The following MSR1 variants were observed in gnomAD, a reference collection of about 807,000 sequenced individuals.
MSR1 encodes the protein macrophage scavenger receptor types I and II.
In MSR1, 53 loss-of-function variants were observed where a neutral mutation model predicts 47.2. The ratio of observed to expected loss-of-function variants is 1.12; its 90% CI spans 0.90 to 1.41. The LOEUF is 1.41. Among genes scored for constraint, MSR1 ranks in the 40% most tolerant of loss-of-function variants. The pLI, the probability that MSR1 is intolerant of heterozygous loss-of-function variation, is 0.00. For missense variants in MSR1, 786 were observed against 546.9 expected, an observed-to-expected ratio of 1.44 and a Z score of -4.36; for synonymous variants, 239 against 185.6, an observed-to-expected ratio of 1.29 and a Z score of -2.34.
chr8:16,138,363 C>G (rs1800442731), intron 8 of MSR1, among the ~76,000 whole-genome samples: 2 of 152,150 alleles, frequency 1.3e-5, no homozygotes, highest in Admixed American at 1.3e-4. Flanking sequence ...AGACGATTCA[C>G]TATGACTAGC....
In MSR1 at chr8:16,177,953, C is replaced by G. The variant is rs1441648614; in HGVS notation, c.36G>C (p.Glu12Asp). The change falls in exon 2 of 10, where the codon GAG (glutamate) becomes GAC (aspartate). Residue 12 changes from glutamate to aspartate, a missense_variant. Physicochemically the swap from Glu to Asp is conservative, Grantham distance 45. Transcript: ENST00000262101. ...EQWDHFHNQQEDTDSCSESVK... is the reference protein window; with the variant it reads ...EQWDHFHNQQDDTDSCSESVK... ...CAGATTCGGAGCAGCTATCAGTGTC[C>G]TCCTGTTGATTGTGAAAGTGATCCC... 7.4e-6 allele frequency: 12 copies of G among 1,613,840 alleles called. No individual in the cohort carries two copies. The highest frequency in any genetic ancestry group is 6.7e-5 in the African/African-American group (5 of 74,996).
At chr8:16,188,038 G>A (rs931420085) in intron 1 of MSR1, among the ~76,000 whole-genome samples, 1 of 152,134 alleles carries the variant, frequency 6.6e-6, no homozygotes, top group Admixed American at 6.6e-5. Flanking sequence ...AGGACAAAAA[G>A]TAGCTTCACA....
At chr8:16,183,841 CAT>C (rs1224131896) in intron 1 of MSR1, among the ~76,000 whole-genome samples, 8 of 140,246 alleles carry the variant, frequency 5.7e-5, no homozygotes, top group Non-Finnish European at 7.6e-5. Context: ...TTTTATATAT[CAT>C]AGAATTGGCA....
chr8:16,180,230 T>G (rs1465867644), intron 1 of MSR1, among the ~76,000 whole-genome samples: 1 of 151,846 alleles, frequency 6.6e-6, no homozygotes, highest in African/African-American at 2.4e-5. Context: ...TTGGCAGCCA[T>G]ATAAATATGT....
At chr8:16,118,830 A>T (rs940034935) in intron 9 of MSR1, among the ~76,000 whole-genome samples, 4 of 152,166 alleles carry the variant, frequency 2.6e-5, no homozygotes, top group African/African-American at 9.7e-5. Flanking sequence ...CCAGAAAAAC[A>T]AAAAAGAAAA....
In MSR1 at chr8:16,189,460, A is replaced by G. The variant is rs1203449581; in HGVS notation, c.-5+3138T>C. 2.2e-4 allele frequency among the ~76,000 whole-genome samples: 5 copies of G among 22,668 alleles called. No homozygotes were observed. In the South Asian group the frequency reaches 0.02, roughly 93 times the overall value. 14.9% of individuals were successfully genotyped at this position (22,668 alleles called of 152,430 possible). A position where few individuals can be genotyped will look rare whatever the true frequency, so the allele number is the denominator to read the frequency against. ...TTTTATATATATAAAATCTTATTTTATATATATTTTATATATTTTATATAT... is the reference window on the plus strand; with the variant it reads ...TTTTATATATATAAAATCTTATTTTGTATATATTTTATATATTTTATATAT... On this transcript the variant is annotated intron_variant, in intron 1 of 9. Transcript: ENST00000262101.
At chr8:16,174,535 T>C (rs963806267) in intron 3 of MSR1, among the ~76,000 whole-genome samples, 2 of 152,168 alleles carry the variant, frequency 1.3e-5, no homozygotes, top group African/African-American at 2.4e-5. Flanking sequence ...CAAAGAAATA[T>C]ATACCTCAGG....
At chr8:16,114,981 C>T (rs1415182572) in intron 9 of MSR1, among the ~76,000 whole-genome samples, 3 of 151,394 alleles carry the variant, frequency 2.0e-5, no homozygotes, top group African/African-American at 7.3e-5. Flanking sequence ...AGTTCGAGAC[C>T]AGCCTGACCA....
At chr8:16,143,673 T>C in intron 7 of MSR1, 62 bp from the exon 8 acceptor site, 1 of 1,211,438 alleles carries the variant, frequency 8.3e-7, no homozygotes, top group Non-Finnish European at 1.2e-6. Flanking sequence ...TTGCTTTAAC[T>C]GGAGACAGAT....
At position 16,134,892 on chromosome 8, in the gene MSR1, C is replaced by G. The variant is rs1047833011; in HGVS notation, c.1033+8666G>C. On this transcript the variant is annotated intron_variant, in intron 8 of 9. Transcript: ENST00000262101. ...ATATGATCAAAATAACCATGACACT[C>G]ACTTAAGACAAATCCAAGTCCAGAG... Among the ~76,000 whole-genome samples, 31 of 152,172 alleles carry G rather than the reference C, an allele frequency of 2.0e-4. 1 individual carries two copies. The highest frequency in any genetic ancestry group is 4.1e-4 in the Non-Finnish European group (28 of 68,030).
chr8:16,149,265 A>C (rs1017570970), intron 7 of MSR1, among the ~76,000 whole-genome samples: 3 of 152,140 alleles, frequency 2.0e-5, no homozygotes, highest in African/African-American at 7.2e-5. Context: ...AGAGGAGACC[A>C]TGTGTGCATG....
At chr8:16,148,932 A>T (rs946534788) in intron 7 of MSR1, among the ~76,000 whole-genome samples, 1 of 152,190 alleles carries the variant, frequency 6.6e-6, no homozygotes, top group African/African-American at 2.4e-5. Context: ...CCAGTCTGAC[A>T]AGGCCACATA....
intron 8 of MSR1, among the ~76,000 whole-genome samples, chr8:16,129,702 C>T (rs1800210951): frequency 6.6e-6 from 1 of 152,082 alleles, no homozygotes; most frequent in Non-Finnish European, 1.5e-5. Context: ...GACCCAAGAT[C>T]ATGCCACTGC....
At chr8:16,184,195 AG>A (rs1357929788) in intron 1 of MSR1, among the ~76,000 whole-genome samples, 2 of 151,978 alleles carry the variant, frequency 1.3e-5, no homozygotes, top group South Asian at 2.1e-4. Flanking sequence ...AGATTTAAAA[AG>A]CCAAGTGTCC....
chr8:16,164,343 A>C, intron 4 of MSR1, 92 bp from the exon 5 acceptor site: 5 of 1,053,374 alleles, frequency 4.7e-6, no homozygotes, highest in Non-Finnish European at 7.2e-6. Context: ...CAGGTTTTTA[A>C]AAACATATTA....
chr8:16,136,599 T>C (rs1040674125), intron 8 of MSR1, among the ~76,000 whole-genome samples: 1 of 152,092 alleles, frequency 6.6e-6, no homozygotes, highest in African/African-American at 2.4e-5. Context: ...TCTATTGTGT[T>C]AATGGAATGC....
chr8:16,139,165 C>T (rs1800464370), intron 8 of MSR1, among the ~76,000 whole-genome samples: 2 of 152,160 alleles, frequency 1.3e-5, no homozygotes, highest in Admixed American at 1.3e-4. Context: ...TTTTCTTTTT[C>T]TCGAGCATCT....
chr8:16,160,800 C>T (rs576953297), intron 5 of MSR1, among the ~76,000 whole-genome samples: 3 of 151,858 alleles, frequency 2.0e-5, no homozygotes, highest in African/African-American at 4.8e-5. Flanking sequence ...TTTACTTGTT[C>T]GTGGCACTTC....
At chr8:16,137,406 A>G (rs2117097283) in intron 8 of MSR1, among the ~76,000 whole-genome samples, 1 of 152,216 alleles carries the variant, frequency 6.6e-6, no homozygotes. Flanking sequence ...CAAACTGCTC[A>G]TTACAAATTT....
Sources: allele counts gnomAD v4.1 joint callset (sites outside exome capture counted in the v4.1 genomes callset), GRCh38; gene constraint gnomAD v4.1.1; transcripts MANE v1.5; gene names NCBI Gene and HGNC (gene_info 2026-07-23, HGNC 2026-07-21).